The following ADNP variants were observed in gnomAD, a reference collection of about 807,000 sequenced individuals.
The protein encoded by ADNP is activity-dependent neuroprotector homeobox protein.
A neutral mutation model predicts 84.9 loss-of-function variants in ADNP; 4 were observed. The ratio of observed to expected loss-of-function variants is 0.05; its 90% confidence interval spans 0.02 to 0.11. ADNP has a LOEUF of 0.11. Ranked by LOEUF, ADNP falls within the 10% of genes least tolerant of loss-of-function variation. The pLI is 1.00. For synonymous variants in ADNP, 554 were observed against 468.1 expected, an observed-to-expected ratio of 1.18 and a Z score of -2.37; for missense variants, 1,132 against 1,326.0, an observed-to-expected ratio of 0.85 and a Z score of 2.27.
chr20:50,910,392 G>T (rs971018898), intron 2 of ADNP, among the ~76,000 whole-genome samples: 10 of 152,122 alleles, frequency 6.6e-5, no homozygotes, highest in African/African-American at 2.2e-4. Context: ...CATGTTAGAG[G>T]GCCGAGTTCA....
In ADNP at chr20:50,893,119, C is replaced by T. The variant is rs769440878; in HGVS notation, c.1595G>A (p.Arg532Gln). The T allele has an allele frequency of 2.0e-5, 32 of 1,614,212 alleles. 1 individual carries two copies. The highest frequency in any genetic ancestry group is 1.4e-4 in the South Asian group (13 of 91,086). ...CATCTCTTCATCAATGTGAACCATC[C>T]GCATGTGTGCGGCCATCTTTTCCAC... The part of the protein sequence containing the change: ...NDVEKMAAHM[R>Q]MVHIDEEMGP... Residue 532 changes from arginine (R) to glutamine (Q), a missense_variant, in exon 6 of 6, where the codon CGG becomes CAG. Physicochemically the swap from Arg to Gln is conservative, Grantham distance 43. Coordinates refer to ENST00000621696, the MANE Select transcript of ADNP (RefSeq NM_001282531.3). The surrounding 1 kb of genome is among the most constrained non-coding windows in gnomAD (Gnocchi z 4.4).
chr20:50,901,894 A>G, intron 5 of ADNP, 123 bp downstream of exon 5: 2 of 806,886 alleles, frequency 2.5e-6, no homozygotes, highest in Non-Finnish European at 2.1e-6. Context: ...TATGAAATGC[A>G]ATTTTGACAC....
intron 2 of ADNP, among the ~76,000 whole-genome samples, chr20:50,913,333 G>C (rs1488696960): frequency 7.2e-6 from 1 of 139,176 alleles, no homozygotes; most frequent in Non-Finnish European, 1.5e-5. Context: ...AAGACAATCA[G>C]GCTACTACAA....
At chr20:50,917,342 G>A (rs1333455408) in intron 2 of ADNP, among the ~76,000 whole-genome samples, 1 of 152,204 alleles carries the variant, frequency 6.6e-6, no homozygotes, top group Non-Finnish European at 1.5e-5. Context: ...ATCACATCCA[G>A]AGAAGAATTC....
chr20:50,924,102 TG>T (rs1399032935), intron 2 of ADNP, among the ~76,000 whole-genome samples: 6 of 152,046 alleles, frequency 3.9e-5, no homozygotes, highest in African/African-American at 1.4e-4. Flanking sequence ...AGCTCTTAAA[TG>T]GAGCATGAAG....
intron 2 of ADNP, among the ~76,000 whole-genome samples, chr20:50,921,084 AG>A (rs1237385342): frequency 1.3e-5 from 2 of 152,244 alleles, no homozygotes; most frequent in African/African-American, 4.8e-5. Flanking sequence ...TAATGGCAGA[AG>A]GATTAAATGA....
At chr20:50,927,995 T>C (rs1984399837) in intron 2 of ADNP, among the ~76,000 whole-genome samples, 2 of 152,226 alleles carry the variant, frequency 1.3e-5, no homozygotes, top group South Asian at 2.1e-4. Flanking sequence ...ATACAGTATT[T>C]AAAAATTTAA....
In ADNP at chr20:50,892,906, A is replaced by C; in HGVS notation, c.1808T>G (p.Ile603Ser). The change falls in exon 6 of 6, where the codon ATC becomes AGC. Residue 603 changes from isoleucine (I) to serine (S), a missense_variant. Around this residue, in one of 10 missense-constraint regions of ADNP, gnomAD observed 53 missense variants for 39.8 expected, o/e 1.33. Coordinates refer to ENST00000621696, the MANE Select transcript of ADNP (RefSeq NM_001282531.3). ...PQPKVQEKADIPVKSSPQAAV... is the reference protein window; with the variant it reads ...PQPKVQEKADSPVKSSPQAAV... The stretch of plus-strand genomic sequence containing the variant: ...AGCTTGAGGTGAACTTTTTACAGGG[A>C]TATCTGCCTTTTCCTGAACCTTTGG... 2 of 1,614,224 alleles carry C rather than the reference A, an allele frequency of 1.2e-6. No homozygotes were observed. Among genetic ancestry groups the C allele is most frequent in the Non-Finnish European group, 1.7e-6 (2 of 1,180,042 alleles).
intron 2 of ADNP, among the ~76,000 whole-genome samples, chr20:50,927,852 G>T (rs1008216670): frequency 1.3e-5 from 2 of 152,276 alleles, no homozygotes; most frequent in East Asian, 1.9e-4. Flanking sequence ...TCAAACAAAA[G>T]CCCCTCAACA....
intron 2 of ADNP, among the ~76,000 whole-genome samples, chr20:50,908,752 C>T (rs537277507): frequency 1.5e-4 from 22 of 151,032 alleles, no homozygotes; most frequent in East Asian, 1.2e-3. Flanking sequence ...CCAGCCTGGG[C>T]GACAGAGTGA....
rs1984702282 is a variant in ADNP at position 50,930,932 on chromosome 20, G to T, written c.-371C>A. 1 of 143,178 alleles carries T rather than the reference G, an allele frequency of 7.0e-6. No homozygotes were observed. 8.9% of individuals were successfully genotyped at this position (143,178 alleles called of 1,614,324 possible). The stretch of plus-strand genomic sequence containing the variant: ...GCACGGCGGTGGCGGCAGCGGGGAG[G>T]GCGCGCCCGGGGCCTCGTCGCGCTC... On this transcript the variant is annotated 5_prime_UTR_variant, in exon 1 of 6. Transcript: ENST00000621696.
At chr20:50,908,557 G>A (rs903922589) in intron 2 of ADNP, among the ~76,000 whole-genome samples, 5 of 151,872 alleles carry the variant, frequency 3.3e-5, no homozygotes, top group African/African-American at 9.7e-5. Flanking sequence ...GGCGAGTCAC[G>A]AGGTCAGGAG....
At chr20:50,925,636 A>G (rs895025808) in intron 2 of ADNP, among the ~76,000 whole-genome samples, 1 of 152,244 alleles carries the variant, frequency 6.6e-6, no homozygotes, top group Non-Finnish European at 1.5e-5. Flanking sequence ...TAAAAACAAG[A>G]AACAGCTTTT....
At chr20:50,896,455 GT>G (rs1363316871) in intron 5 of ADNP, among the ~76,000 whole-genome samples, 1 of 152,066 alleles carries the variant, frequency 6.6e-6, no homozygotes, top group East Asian at 1.9e-4. Flanking sequence ...ACCGGACGTG[GT>G]GGCAGGCGCC....
At chr20:50,911,642 T>C (rs930324154) in intron 2 of ADNP, among the ~76,000 whole-genome samples, 4 of 151,704 alleles carry the variant, frequency 2.6e-5, no homozygotes, top group African/African-American at 9.7e-5. Flanking sequence ...CAAGAATTAG[T>C]GGAGCTTGTC....
At chr20:50,915,766 T>G (rs1427509059) in intron 2 of ADNP, among the ~76,000 whole-genome samples, 1 of 152,132 alleles carries the variant, frequency 6.6e-6, no homozygotes, top group African/African-American at 2.4e-5. Flanking sequence ...TACTAGAAAA[T>G]GTACAGTAGT....
rs577392026 is a variant in ADNP, at chr20:50,891,130, T to C, written c.*275A>G. ...GGGAAAGAAATGTTGAAAAGGCAGA[T>C]AAAATAAACCTCTGCTTTTCCTCGT... On this transcript the variant is annotated 3_prime_UTR_variant, in exon 6 of 6. Coordinates refer to ENST00000621696, the MANE Select transcript of ADNP (RefSeq NM_001282531.3). 204 of 1,220,620 alleles carry C rather than the reference T, an allele frequency of 1.7e-4. No individual in the cohort carries two copies. Among genetic ancestry groups the C allele is most frequent in the Non-Finnish European group, 2.0e-4 (197 of 979,966 alleles). 75.6% of individuals were successfully genotyped at this position (1,220,620 alleles called of 1,614,324 possible). A position where few individuals can be genotyped will look rare whatever the true frequency, so the allele number is the denominator to read the frequency against.
In ADNP at chr20:50,890,110, C is replaced by G. The variant is rs1600922004; in HGVS notation, c.*1295G>C. The G allele has an allele frequency of 8.7e-6, 1 of 114,634 alleles. No homozygotes were observed. Among genetic ancestry groups the G allele is most frequent in the East Asian group, 1.8e-4 (1 of 5,676 alleles). 7.1% of individuals were successfully genotyped at this position (114,634 alleles called of 1,614,324 possible). A position where few individuals can be genotyped will look rare whatever the true frequency, so the allele number is the denominator to read the frequency against. On this transcript the variant is annotated 3_prime_UTR_variant, in exon 6 of 6. Coordinates refer to ENST00000621696, the MANE Select transcript of ADNP (RefSeq NM_001282531.3). ...TTAACAAAAGGTGAACTGAAAAACTCAAGGGTGTTTGTTTTTCAGTTAAAA... is the reference window on the plus strand; with the variant it reads ...TTAACAAAAGGTGAACTGAAAAACTGAAGGGTGTTTGTTTTTCAGTTAAAA...
At chr20:50,895,981 T>C (rs1167500699) in intron 5 of ADNP, among the ~76,000 whole-genome samples, 1 of 152,158 alleles carries the variant, frequency 6.6e-6, no homozygotes, top group Admixed American at 6.5e-5. Flanking sequence ...TCTCAGCACT[T>C]TGGGAGGCCC....
Sources: gnomAD v4.1 joint callset for allele counts (sites outside exome capture counted in the v4.1 genomes callset) on GRCh38, gnomAD v4.1.1 for gene constraint, gnomAD v4.1.1 regional missense constraint, Gnocchi (gnomAD v3.1) non-coding constraint, MANE v1.5 for transcripts, NCBI Gene and HGNC (gene_info 2026-07-23, HGNC 2026-07-21) for gene names.